Variants in SHC3 observed in about 807,000 individuals in gnomAD.
SHC3 encodes the protein SHC-transforming protein 3.
Under a neutral mutation model 60.4 loss-of-function variants are expected in SHC3, and 15 were observed. The observed-to-expected ratio is 0.25, with a 90% CI of 0.17 to 0.38. The LOEUF is 0.38. SHC3 is among the 10% of genes least tolerant of loss of function. SHC3 has a pLI of 1.00. For missense variants in SHC3, 677 were observed against 786.1 expected (o/e 0.86, Z 1.66); for synonymous variants, 294 against 325.9 (o/e 0.90, Z 1.05).
chr9:89,015,941 C>T (rs1826086375), intron 11 of SHC3, among the ~76,000 whole-genome samples: 1 of 152,090 alleles, frequency 6.6e-6, no homozygotes, highest in Admixed American at 6.6e-5. Context: ...AAGCTTCCAC[C>T]TTAGGAAACT....
intron 5 of SHC3, among the ~76,000 whole-genome samples, chr9:89,069,729 C>G (rs376865820): frequency 3.7e-4 from 57 of 152,352 alleles, no homozygotes; most frequent in South Asian, 3.3e-3. Context: ...AGGAGTGATG[C>G]CCAGAATGGC....
At chr9:89,164,789 T>C (rs1826761789) in intron 1 of SHC3, among the ~76,000 whole-genome samples, 1 of 152,114 alleles carries the variant, frequency 6.6e-6, no homozygotes, top group South Asian at 2.1e-4. Flanking sequence ...TCTTAACTTG[T>C]AAAAATGTAT....
chr9:89,103,484 T>G (rs1330824945), intron 2 of SHC3, among the ~76,000 whole-genome samples: 1 of 152,178 alleles, frequency 6.6e-6, no homozygotes, highest in Non-Finnish European at 1.5e-5. Flanking sequence ...GCTGCTTGGC[T>G]ACCTCCAAAA....
At chr9:89,165,547 T>C in intron 1 of SHC3, among the ~76,000 whole-genome samples, 1 of 125,338 alleles carries the variant, frequency 8.0e-6, no homozygotes, top group East Asian at 2.4e-4. Flanking sequence ...AAAAAAATGG[T>C]GAGGGCATGA....
chr9:89,008,524 GTGGAAGGGCCTGCAATCTT>G lies in SHC3; in HGVS notation c.*4904_*4922del, dbSNP rs1162998168. The G allele has an allele frequency of 2.0e-5, 3 of 152,150 alleles. No homozygotes were observed. Among genetic ancestry groups the G allele is most frequent in the Admixed American group, 2.0e-4 (3 of 15,278 alleles). 9.4% of individuals were successfully genotyped at this position (152,150 alleles called of 1,614,324 possible). A position where few individuals can be genotyped will look rare whatever the true frequency, so the allele number is the denominator to read the frequency against. ...TCAGGAACTTGGCGGGGCCAGGGGG[GTGGAAGGGCCTGCAATCTT>G]TGTCTGAACCAGCTCACAGGGTGGT... On this transcript the variant is annotated 3_prime_UTR_variant, in exon 12 of 12. Coordinates refer to ENST00000375835, the MANE Select transcript of SHC3 (RefSeq NM_016848.6).
At chr9:89,020,400 T>A (rs747356262) in intron 11 of SHC3, among the ~76,000 whole-genome samples, 1 of 151,962 alleles carries the variant, frequency 6.6e-6, no homozygotes, top group Non-Finnish European at 1.5e-5. Context: ...GCCTCTGTGG[T>A]CTGTGGACAA....
At chr9:89,039,322 C>T (rs1242890397) in intron 10 of SHC3, among the ~76,000 whole-genome samples, 1 of 152,154 alleles carries the variant, frequency 6.6e-6, no homozygotes, top group Non-Finnish European at 1.5e-5. Flanking sequence ...GTTAGTACAG[C>T]GTGGGCAGAA....
intron 1 of SHC3, among the ~76,000 whole-genome samples, chr9:89,114,090 C>G (rs564517392): frequency 6.2e-4 from 94 of 152,212 alleles, no homozygotes; most frequent in African/African-American, 2.0e-3. Context: ...CAACTGACAA[C>G]AGAGTTATGT....
At chr9:89,149,737 G>A (rs1213632346) in intron 1 of SHC3, among the ~76,000 whole-genome samples, 1 of 152,154 alleles carries the variant, frequency 6.6e-6, no homozygotes, top group Non-Finnish European at 1.5e-5. Flanking sequence ...GTATACAGTA[G>A]ATCCCCCTTA....
chr9:89,149,648 T>C (rs1161583819), intron 1 of SHC3, among the ~76,000 whole-genome samples: 1 of 152,168 alleles, frequency 6.6e-6, no homozygotes, highest in African/African-American at 2.4e-5. Flanking sequence ...CTGTACTTTT[T>C]ACAAGTATTT....
chr9:89,129,068 T>C (rs1394657671), intron 1 of SHC3, among the ~76,000 whole-genome samples: 1 of 152,180 alleles, frequency 6.6e-6, no homozygotes, highest in East Asian at 1.9e-4. Context: ...TTAAATGACC[T>C]GATGGAGCTA....
rs1306276618 is a variant in SHC3 at position 89,178,377 on chromosome 9, G to A, written c.84C>T (p.Ser28=). The A allele has an allele frequency of 3.8e-6, 6 of 1,580,960 alleles. No homozygotes were observed. The African/African-American group carries it at 7.0e-5, about 18-fold the overall frequency. The change falls in exon 1 of 12, where the codon AGC becomes AGT. Residue 28 remains serine (S), a synonymous_variant. Coordinates refer to ENST00000375835, the MANE Select transcript of SHC3 (RefSeq NM_016848.6). The surrounding 1 kb of genome is among the most constrained non-coding windows in gnomAD (Gnocchi z 6.9). ...CCGCCGAAACCTTGCCTCCGCCGCC[G>A]CTCACCGACAGGCTGTGGAGAAGGT... ...VDDLLHSLSV[S]GGGGKVSAAR...
At chr9:89,052,320 G>A (rs1179431664) in intron 6 of SHC3, among the ~76,000 whole-genome samples, 157 bp from the exon 7 acceptor site, 1 of 152,190 alleles carries the variant, frequency 6.6e-6, no homozygotes, top group Non-Finnish European at 1.5e-5. Flanking sequence ...TCTCCAGGTA[G>A]GGAATCCTAC....
chr9:89,073,699 A>T (rs891858396), intron 4 of SHC3, among the ~76,000 whole-genome samples: 1 of 152,242 alleles, frequency 6.6e-6, no homozygotes, highest in African/African-American at 2.4e-5. Flanking sequence ...AGAGAGGGCC[A>T]GCCCAGTCTC....
At chr9:89,056,388 G>A (rs750485156) in intron 6 of SHC3, among the ~76,000 whole-genome samples, 2 of 151,950 alleles carry the variant, frequency 1.3e-5, no homozygotes, top group Non-Finnish European at 2.9e-5. Flanking sequence ...GTGGGATTAC[G>A]GGCACCCACC....
chr9:89,139,456 T>A (rs2118187207), intron 1 of SHC3, among the ~76,000 whole-genome samples: 1 of 152,340 alleles, frequency 6.6e-6, no homozygotes, highest in South Asian at 2.1e-4. Flanking sequence ...TGTTTTTAAA[T>A]TGGCTTTTGT....
chr9:89,068,094 AAT>A (rs1450618966), intron 5 of SHC3, among the ~76,000 whole-genome samples: 1 of 152,158 alleles, frequency 6.6e-6, no homozygotes, highest in Non-Finnish European at 1.5e-5. Context: ...AGAGCAGGCA[AAT>A]ATATTACCAT....
intron 1 of SHC3, among the ~76,000 whole-genome samples, chr9:89,135,553 C>T (rs1013584863): frequency 7.2e-5 from 11 of 152,032 alleles, no homozygotes; most frequent in African/African-American, 2.7e-4. Context: ...CTTATTTTTG[C>T]AAACAAATCA....
chr9:89,013,428 G>T lies in SHC3; in HGVS notation c.*19C>A, dbSNP rs1358108233. On this transcript the variant is annotated 3_prime_UTR_variant, in exon 12 of 12. Coordinates refer to ENST00000375835, the MANE Select transcript of SHC3 (RefSeq NM_016848.6). ...TCCTCCTGACCTGGTGCGCAGTGCT[G>T]GGAGCAGTGCTGGCCAGGTCACTGC... The T allele has an allele frequency of 6.3e-7, 1 of 1,594,900 alleles. No individual in the cohort carries two copies. Among genetic ancestry groups the T allele is most frequent in the African/African-American group, 1.4e-5 (1 of 73,846 alleles).
Sources: allele counts gnomAD v4.1 joint callset (sites outside exome capture counted in the v4.1 genomes callset), GRCh38; gene constraint gnomAD v4.1.1; non-coding constraint Gnocchi (gnomAD v3.1); transcripts MANE v1.5; gene names NCBI Gene and HGNC (gene_info 2026-07-23, HGNC 2026-07-21).